Variants in ADAMTSL2 observed in about 807,000 individuals in gnomAD.
ADAMTSL2 encodes the protein ADAMTS-like protein 2.
ADAMTSL2 carries 55 observed loss-of-function variants against 117.0 expected under a neutral mutation model. The observed-to-expected ratio is 0.47, with a 90% CI of 0.38 to 0.59. The LOEUF is 0.59. Ranked by LOEUF, ADAMTSL2 falls within the 20% of genes least tolerant of loss-of-function variation. ADAMTSL2 has a pLI of 0.00. For synonymous variants in ADAMTSL2, 572 were observed against 566.4 expected (o/e 1.01, Z -0.14); for missense variants, 1,182 against 1,354.5 (o/e 0.87, Z 2.00).
intron 15 of ADAMTSL2, among the ~76,000 whole-genome samples, chr9:133,569,062 A>T (rs1490430679): frequency 6.7e-6 from 1 of 149,040 alleles, no homozygotes; most frequent in Non-Finnish European, 1.5e-5. Context: ...TTTGTCTCCG[A>T]GTCTCTCTGT....
At position 133,539,846 on chromosome 9, in the gene ADAMTSL2, A is replaced by G. The variant is rs1830166700; in HGVS notation, c.385A>G (p.Thr129Ala). ...CAACTCCCACGTGTACAACGGGCGG[A>G]CGCACCAGTGGAAGCCTCTGTACCC... ...SFNSHVYNGR[T>A]HQWKPLYPDD... Residue 129 changes from threonine (T) to alanine (A), a missense_variant, in exon 5 of 19, where the codon ACG becomes GCG. Thr to Ala is a moderately conservative substitution (Grantham distance 58). Transcript: ENST00000651351. 2 of 1,550,986 alleles carry G rather than the reference A, an allele frequency of 1.3e-6. No individual in the cohort carries two copies.
intron 1 of ADAMTSL2, among the ~76,000 whole-genome samples, chr9:133,536,252 T>A (rs1438197649): frequency 6.6e-6 from 1 of 152,214 alleles, no homozygotes; most frequent in Non-Finnish European, 1.5e-5. Flanking sequence ...CCAGTTAAAA[T>A]CCCAAGGTGC....
chr9:133,540,821 C>T, intron 6 of ADAMTSL2, 57 bp from the exon 7 acceptor site: 3 of 1,613,138 alleles, frequency 1.9e-6, no homozygotes, highest in South Asian at 2.2e-5. Context: ...GCAGTGGCGG[C>T]CCCGGGGCCT....
Position 133,555,929 on chromosome 9 carries a change from A to C in ADAMTSL2, c.1648A>C (p.Arg550=). 1.2e-6 allele frequency: 2 copies of C among 1,610,728 alleles called. No individual in the cohort carries two copies. The highest frequency in any genetic ancestry group is 1.1e-5 in the South Asian group (1 of 91,002). Residue 550 remains arginine, a splice_region_variant and synonymous_variant, in exon 11 of 19, where the codon AGG becomes CGG. Transcript: ENST00000651351. ...TSAGNRTHKA[R]TRPKARKQGV... is the part of the protein sequence containing the mutation. ...GGCCGGGAACAGGACTCACAAGGCC[A>C]GGTAGGAGGCACTTTCCTGAGCCCT...
chr9:133,560,925 C>T (rs1830712510), intron 11 of ADAMTSL2, among the ~76,000 whole-genome samples: 2 of 152,242 alleles, frequency 1.3e-5, no homozygotes, highest in Non-Finnish European at 2.9e-5. Context: ...CACCCCTCCC[C>T]TCCGGAAGGA....
upstream of ADAMTSL2, chr9:133,534,683 G>A (rs1830005331): frequency 3.7e-6 from 5 of 1,349,302 alleles, no homozygotes; most frequent in Non-Finnish European, 3.8e-6. Context: ...CTATAAAGGC[G>A]GCCGCCGGCG....
intron 7 of ADAMTSL2, among the ~76,000 whole-genome samples, chr9:133,542,201 G>A (rs1052182945): frequency 6.6e-6 from 1 of 152,224 alleles, no homozygotes; most frequent in Non-Finnish European, 1.5e-5. Flanking sequence ...ACTGGAGAGG[G>A]TGGGGCTTGG....
At chr9:133,535,072 G>A (rs1830018915) in intron 1 of ADAMTSL2, among the ~76,000 whole-genome samples, 155 bp downstream of exon 1, 1 of 152,134 alleles carries the variant, frequency 6.6e-6, no homozygotes, top group South Asian at 2.1e-4. Flanking sequence ...GCAGAGCACG[G>A]GGCAGGGTGG....
At chr9:133,553,565 G>C (rs1166258112) in intron 9 of ADAMTSL2, among the ~76,000 whole-genome samples, 2 of 152,170 alleles carry the variant, frequency 1.3e-5, no homozygotes, top group East Asian at 3.8e-4. Flanking sequence ...TTCTCTCCCA[G>C]TTCCCTAGTG....
In ADAMTSL2 at chr9:133,554,065, G is replaced by C. The variant is rs1298568170; in HGVS notation, c.940-292G>C. ...CTCTGCATACAGCATGCAGAGACGAGGGCCCACCTGGGCGTGCCTGGAAGA... is the reference window on the plus strand; with the variant it reads ...CTCTGCATACAGCATGCAGAGACGACGGCCCACCTGGGCGTGCCTGGAAGA... On this transcript the variant is annotated intron_variant, in intron 9 of 18. Coordinates refer to ENST00000651351, the MANE Select transcript of ADAMTSL2 (RefSeq NM_014694.4). This position sits in a 1 kb window ranked among gnomAD's most constrained non-coding sequence, Gnocchi z 5.2. Among the ~76,000 whole-genome samples, 1 of 152,216 alleles carries C rather than the reference G, an allele frequency of 6.6e-6. No homozygotes were observed. The highest frequency in any genetic ancestry group is 1.5e-5 in the Non-Finnish European group (1 of 68,022).
Position 133,538,419 on chromosome 9 carries a change from G to C in ADAMTSL2, c.304G>C (p.Val102Leu), listed in dbSNP as rs896964898. ...GTSKRYQLCR[V>L]QECPPDGRSF... ...GTCCAAGCGGTACCAGCTCTGCAGAGTGCAGGTGAGGCCCGGCCCGGGCAG... is the reference window on the plus strand; with the variant it reads ...GTCCAAGCGGTACCAGCTCTGCAGACTGCAGGTGAGGCCCGGCCCGGGCAG... The change falls in exon 4 of 19, where the codon GTG (valine) becomes CTG (leucine). Residue 102 changes from valine (V) to leucine (L), a missense_variant. By Grantham distance (32) the Val-to-Leu change is conservative. Transcript: ENST00000651351. 1.9e-6 allele frequency: 3 copies of C among 1,613,148 alleles called. No homozygotes were observed. Among genetic ancestry groups the C allele is most frequent in the Non-Finnish European group, 2.5e-6 (3 of 1,179,984 alleles).
Position 133,546,889 on chromosome 9 carries a change from CA to C in ADAMTSL2, c.764-148del. ...TTGCCCCTCCTCCGCATTCACTGGC[CA>C]GACTCTCCATGATGGGAGTTTCCTG... On this transcript the variant is annotated intron_variant, in intron 8 of 18. Transcript: ENST00000651351. 8 of 836,446 alleles carry C rather than the reference CA, an allele frequency of 9.6e-6. No homozygotes were observed. The South Asian group carries it at 1.1e-4, about 12-fold the overall frequency. The allele number at this position is 836,446 out of a possible 1,614,324, so 51.8% of individuals were successfully genotyped here. A position where few individuals can be genotyped will look rare whatever the true frequency, so the allele number is the denominator to read the frequency against.
chr9:133,556,592 C>T (rs1315109825), intron 11 of ADAMTSL2, among the ~76,000 whole-genome samples: 13 of 152,206 alleles, frequency 8.5e-5, no homozygotes, highest in Non-Finnish European at 1.9e-4. Flanking sequence ...TGGCAAGGGC[C>T]ATGAGAGAGT....
At chr9:133,572,544 G>A (rs1831131840) in intron 17 of ADAMTSL2, among the ~76,000 whole-genome samples, 1 of 152,182 alleles carries the variant, frequency 6.6e-6, no homozygotes, top group Admixed American at 6.5e-5. Flanking sequence ...ACTAGCTTCA[G>A]ATGGGGGGGC....
At chr9:133,566,755 A>C in intron 12 of ADAMTSL2, 181 bp from the exon 13 acceptor site, 1 of 798,806 alleles carries the variant, frequency 1.3e-6, no homozygotes, top group South Asian at 1.6e-5. Context: ...AGAAGAGCTC[A>C]GACCCGCACA....
At chr9:133,538,521 A>G in intron 4 of ADAMTSL2, 97 bp downstream of exon 4, 1 of 1,399,106 alleles carries the variant, frequency 7.1e-7, no homozygotes, top group Admixed American at 1.7e-5. Context: ...CATTCTGGGC[A>G]TTCTGTTGTG....
At chr9:133,567,778 C>T (rs2131178820) in intron 13 of ADAMTSL2, among the ~76,000 whole-genome samples, 1 of 152,354 alleles carries the variant, frequency 6.6e-6, no homozygotes, top group African/African-American at 2.4e-5. Context: ...CCTGTCCTTC[C>T]CCTCAGAGCC....
At chr9:133,533,158 T>G (rs1344444932), upstream of ADAMTSL2, among the ~76,000 whole-genome samples, 1 of 114,732 alleles carries the variant, frequency 8.7e-6, no homozygotes, top group Non-Finnish European at 1.8e-5. Context: ...TGGGTGTGTG[T>G]GTGCCTGTGT....
At chr9:133,565,128 G>C (rs1199247010) in intron 12 of ADAMTSL2, among the ~76,000 whole-genome samples, 1 of 152,154 alleles carries the variant, frequency 6.6e-6, no homozygotes, top group Non-Finnish European at 1.5e-5. Context: ...CGGCCCCCAG[G>C]CTTCATCCTC....
Sources: allele counts gnomAD v4.1 joint callset (sites outside exome capture counted in the v4.1 genomes callset), GRCh38; gene constraint gnomAD v4.1.1; non-coding constraint Gnocchi (gnomAD v3.1); transcripts MANE v1.5; gene names NCBI Gene and HGNC (gene_info 2026-07-23, HGNC 2026-07-21).